The following CHST13 variants were observed in gnomAD, a reference collection of about 807,000 sequenced individuals.
CHST13 encodes carbohydrate sulfotransferase 13, also known as C4ST-3.
CHST13 carries 1 observed loss-of-function variant against 7.0 expected under a neutral mutation model. The ratio of observed to expected loss-of-function variants is 0.14; its 90% confidence interval spans 0.05 to 0.68. The LOEUF is 0.68. Among genes scored for constraint, CHST13 ranks in the 30% least tolerant of loss-of-function variants. The pLI, the probability that CHST13 is intolerant of heterozygous loss-of-function variation, is 0.82. For synonymous variants in CHST13, 257 were observed against 240.9 expected (o/e 1.07, Z -0.62); for missense variants, 572 against 507.9 (o/e 1.13, Z -1.21).
chr3:126,530,023 G>A (rs1936618789), intron 1 of CHST13, among the ~76,000 whole-genome samples: 1 of 152,182 alleles, frequency 6.6e-6, no homozygotes, highest in Non-Finnish European at 1.5e-5. Context: ...TGGGGGTGGA[G>A]GGGGTGGATG....
chr3:126,525,709 A>G (rs1471788736), intron 1 of CHST13, among the ~76,000 whole-genome samples: 2 of 152,124 alleles, frequency 1.3e-5, no homozygotes, highest in East Asian at 3.9e-4. Flanking sequence ...CTCAGGGCTC[A>G]GCGTGGGATG....
Position 126,541,864 on chromosome 3 carries a change from G to A in CHST13, c.312G>A (p.Ala104=), listed in dbSNP as rs751471294. Residue 104 remains alanine, a synonymous_variant, in exon 3 of 3, where the codon GCG becomes GCA. Coordinates refer to ENST00000319340, the MANE Select transcript of CHST13 (RefSeq NM_152889.3). ...EDLRHVLVDD[A]HGLLYCYVPK... The stretch of plus-strand genomic sequence containing the variant: ...TGCGGCACGTGCTGGTGGACGACGC[G>A]CATGGCCTGCTCTACTGCTACGTGC... 6.3e-7 allele frequency: 1 copy of A among 1,593,178 alleles called. No homozygotes were observed. The highest frequency in any genetic ancestry group is 8.5e-7 in the Non-Finnish European group (1 of 1,170,500).
chr3:126,536,941 C>T (rs1008175243), intron 2 of CHST13, among the ~76,000 whole-genome samples: 1 of 151,398 alleles, frequency 6.6e-6, no homozygotes, highest in Non-Finnish European at 1.5e-5. Context: ...CACACAAGTA[C>T]TTATTCGGAC....
chr3:126,536,526 T>G (rs73859518), intron 2 of CHST13, among the ~76,000 whole-genome samples, 173 bp downstream of exon 2: 4,883 of 151,930 alleles, frequency 0.032, 256 homozygotes, highest in African/African-American at 0.11. Flanking sequence ...ATCTTGGGGG[T>G]AAGATGAGAG....
chr3:126,539,191 T>G (rs933915156), intron 2 of CHST13, among the ~76,000 whole-genome samples: 3 of 152,172 alleles, frequency 2.0e-5, no homozygotes, highest in African/African-American at 7.2e-5. Flanking sequence ...TACTCCCACC[T>G]GGGATGACTG....
At chr3:126,533,392 T>C (rs1255539860) in intron 1 of CHST13, among the ~76,000 whole-genome samples, 1 of 152,170 alleles carries the variant, frequency 6.6e-6, no homozygotes, top group Non-Finnish European at 1.5e-5. Flanking sequence ...TTGGCAAAGT[T>C]TCCTTCTATT....
At chr3:126,524,576 A>C (rs7613347) in intron 1 of CHST13, 147 bp downstream of exon 1, 167,031 of 358,544 alleles carry the variant, frequency 0.47, 41,909 homozygotes, top group African/African-American at 0.77. Context: ...GGCGCTGGTG[A>C]GGCACAGAAA....
chr3:126,537,319 G>C (rs1936817355), intron 2 of CHST13, among the ~76,000 whole-genome samples: 1 of 152,340 alleles, frequency 6.6e-6, no homozygotes, highest in South Asian at 2.1e-4. Flanking sequence ...GGGAGCACAA[G>C]GGGAGCCTGG....
At chr3:126,536,452 C>A in intron 2 of CHST13, 99 bp downstream of exon 2, 1 of 868,534 alleles carries the variant, frequency 1.2e-6, no homozygotes, top group Non-Finnish European at 1.8e-6. Flanking sequence ...CTGGACCCCA[C>A]ACTGGGGCAC....
At chr3:126,539,242 G>C (rs1936869478) in intron 2 of CHST13, among the ~76,000 whole-genome samples, 1 of 152,150 alleles carries the variant, frequency 6.6e-6, no homozygotes, top group African/African-American at 2.4e-5. Flanking sequence ...GACTATGTCT[G>C]AACGTATCTC....
In CHST13 at chr3:126,541,887, T is replaced by A. The variant is rs1187151951; in HGVS notation, c.335T>A (p.Val112Glu). The A allele has an allele frequency of 1.9e-6, 3 of 1,600,390 alleles. No homozygotes were observed. In the African/African-American group the frequency reaches 4.1e-5, roughly 22 times the overall value. ...DDAHGLLYCYVPKVACTNWKR... is the reference protein window; with the variant it reads ...DDAHGLLYCYEPKVACTNWKR... ...GCGCATGGCCTGCTCTACTGCTACG[T>A]GCCCAAGGTGGCCTGCACCAACTGG... Residue 112 changes from valine to glutamate, a missense_variant, in exon 3 of 3, where the codon GTG (valine) becomes GAG (glutamate). Coordinates refer to ENST00000319340, the MANE Select transcript of CHST13 (RefSeq NM_152889.3).
At chr3:126,529,624 C>T (rs1385293855) in intron 1 of CHST13, among the ~76,000 whole-genome samples, 1 of 152,278 alleles carries the variant, frequency 6.6e-6, no homozygotes, top group Non-Finnish European at 1.5e-5. Context: ...CGGCACTGTG[C>T]TGGGGCCTGC....
intron 2 of CHST13, among the ~76,000 whole-genome samples, chr3:126,540,094 C>G (rs577450811): frequency 6.6e-6 from 1 of 151,612 alleles, no homozygotes; most frequent in African/African-American, 2.4e-5. Context: ...GCACCACACA[C>G]GCACAGGACA....
At chr3:126,528,592 A>G (rs1936582160) in intron 1 of CHST13, among the ~76,000 whole-genome samples, 1 of 152,128 alleles carries the variant, frequency 6.6e-6, no homozygotes, top group African/African-American at 2.4e-5. Flanking sequence ...TAATTGTTCC[A>G]GGGAGAGCCC....
intron 1 of CHST13, among the ~76,000 whole-genome samples, chr3:126,535,110 A>C (rs75465707): frequency 0.12 from 587 of 4,826 alleles, no homozygotes; most frequent in Middle Eastern, 0.21. Flanking sequence ...AGACAGCATC[A>C]CTGTCCTCAG....
At chr3:126,536,427 C>G in intron 2 of CHST13, 74 bp downstream of exon 2, 1 of 1,178,078 alleles carries the variant, frequency 8.5e-7, no homozygotes, top group Admixed American at 1.8e-5. Context: ...ACAGTGCAGA[C>G]CTGCTGGCAT....
At chr3:126,534,754 G>A (rs559530746) in intron 1 of CHST13, among the ~76,000 whole-genome samples, 53 of 150,026 alleles carry the variant, frequency 3.5e-4, no homozygotes, top group African/African-American at 1.3e-3. Flanking sequence ...CCACCCAGGA[G>A]ACAGACAGAC....
Position 126,524,371 on chromosome 3 carries a change from C to G in CHST13, c.39C>G (p.Ala13=). 8.1e-7 allele frequency: 1 copy of G among 1,236,100 alleles called. No homozygotes were observed. The allele number at this position is 1,236,100 out of a possible 1,614,324, so 76.6% of individuals were successfully genotyped here. Residue 13 remains alanine (A), a synonymous_variant, in exon 1 of 3, where the codon GCC becomes GCG. Coordinates refer to ENST00000319340, the MANE Select transcript of CHST13 (RefSeq NM_152889.3). ...RRCCRRRVLA[A]ACLGAALLLL... ...GCTGCCGGCGGCGCGTGCTGGCGGC[C>G]GCCTGTCTGGGCGCCGCGCTCCTGC...
rs896119322 is a variant in CHST13, at chr3:126,524,425, C to T, written c.93C>T (p.Arg31=). 13 of 1,134,202 alleles carry T rather than the reference C, an allele frequency of 1.1e-5. No homozygotes were observed. In the East Asian group the frequency reaches 2.3e-4, roughly 20 times the overall value. The allele number at this position is 1,134,202 out of a possible 1,614,324, so 70.3% of individuals were successfully genotyped here. ...LLLCAAPRSL[R]PAFGNRALGS... ...TATGCGCCGCGCCCCGCTCCCTGCG[C>T]CCGGGTGAGTGCCCGCCGGCCGAGC... Residue 31 remains arginine (R), a synonymous_variant, in exon 1 of 3, where the codon CGC becomes CGT. Transcript: ENST00000319340.
Sources: gnomAD v4.1 joint callset for allele counts (sites outside exome capture counted in the v4.1 genomes callset) on GRCh38, gnomAD v4.1.1 for gene constraint, MANE v1.5 for transcripts, NCBI Gene and HGNC (gene_info 2026-07-23, HGNC 2026-07-21) for gene names.